Variants in RPUSD4 observed in about 807,000 individuals in gnomAD.
RPUSD4 encodes pseudouridylate synthase RPUSD4, mitochondrial.
In RPUSD4, 37 loss-of-function variants were observed where a neutral mutation model predicts 35.4. The observed-to-expected ratio is 1.04, with a 90% CI of 0.80 to 1.37. The LOEUF is 1.37. RPUSD4 is among the 40% of genes most tolerant of loss of function. RPUSD4 has a pLI of 0.00. For synonymous variants in RPUSD4, 210 were observed against 192.7 expected, an observed-to-expected ratio of 1.09 and a Z score of -0.74; for missense variants, 507 against 484.9, an observed-to-expected ratio of 1.05 and a Z score of -0.43.
rs373059834 is a variant in RPUSD4, at chr11:126,205,701, T to C, written c.638A>G (p.Gln213Arg). Residue 213 changes from glutamine (Q) to arginine (R), a missense_variant, in exon 4 of 7, where the codon CAG (glutamine) becomes CGG (arginine). Transcript: ENST00000298317. ...CTGCTCGCTCACCTTGTGGTGTTGC[T>C]GCTGGCCTTGCGCCTCCTTCTCCAC... ...PIVEKEAQGQQQHHKMTLSPS... is the reference protein window; with the variant it reads ...PIVEKEAQGQRQHHKMTLSPS... The C allele has an allele frequency of 1.2e-6, 2 of 1,613,412 alleles. No individual in the cohort carries two copies. The highest frequency in any genetic ancestry group is 1.7e-6 in the Non-Finnish European group (2 of 1,179,572).
Position 126,211,440 on chromosome 11 carries a change from T to A in RPUSD4, c.189+10A>T. 6.2e-7 allele frequency: 1 copy of A among 1,608,508 alleles called. No individual in the cohort carries two copies. Among genetic ancestry groups the A allele is most frequent in the Non-Finnish European group, 8.5e-7 (1 of 1,177,030 alleles). ...CTGCCTCTAGGGAGTTCTGGTCCCT[T>A]TGGACTCACCGGCTCCTTCTTTGTG... On this transcript the variant is annotated intron_variant, in intron 1 of 6. Transcript: ENST00000298317.
In RPUSD4 at chr11:126,203,312, GT is replaced by G; in HGVS notation, c.*105del. ...CTGTTCCAAGTGAGAAGTTAGCAGA[GT>G]CCTGTAAACAAAGAACAGTTCAGGG... is the stretch of plus-strand genomic sequence containing the variant. On this transcript the variant is annotated 3_prime_UTR_variant, in exon 7 of 7. Transcript: ENST00000298317. 6.7e-7 allele frequency: 1 copy of G among 1,499,710 alleles called. No individual in the cohort carries two copies. The highest frequency in any genetic ancestry group is 9.0e-7 in the Non-Finnish European group (1 of 1,111,338). The allele number at this position is 1,499,710 out of a possible 1,614,324, so 92.9% of individuals were successfully genotyped here.
rs745637271 is a variant in RPUSD4, at chr11:126,211,578, C to A, written c.61G>T (p.Gly21Trp). 1 of 1,614,186 alleles carries A rather than the reference C, an allele frequency of 6.2e-7. No individual in the cohort carries two copies. Among genetic ancestry groups the A allele is most frequent in the African/African-American group, 1.3e-5 (1 of 75,060 alleles). Reference protein sequence around the residue: ...PWIRGNGQGCGSLFTLVSKPF... With the variant: ...PWIRGNGQGCWSLFTLVSKPF... ...TTTGAGACGAGAGTGAAGAGACTCC[C>A]GCAACCTTGGCCGTTTCCCCGGATC... The change falls in exon 1 of 7, where the codon GGG (glycine) becomes TGG (tryptophan). Residue 21 changes from glycine to tryptophan, a missense_variant. By Grantham distance (184) the Gly-to-Trp change is radical. Transcript: ENST00000298317.
At chr11:126,203,801 T>C (rs995312786) in intron 6 of RPUSD4, 144 bp from the exon 7 acceptor site, 7 of 1,095,946 alleles carry the variant, frequency 6.4e-6, no homozygotes, top group Non-Finnish European at 8.9e-6. Context: ...TTCAGTGGCA[T>C]GTCTAAGAAC....
chr11:126,209,390 A>G (rs1309239830), intron 3 of RPUSD4, 131 bp downstream of exon 3: 4 of 745,752 alleles, frequency 5.4e-6, no homozygotes, highest in African/African-American at 3.5e-5. Flanking sequence ...GCTGTTTCAC[A>G]TATTTTTTAC....
chr11:126,204,931 T>C (rs1293648854), intron 5 of RPUSD4, among the ~76,000 whole-genome samples: 1 of 152,198 alleles, frequency 6.6e-6, no homozygotes, highest in Non-Finnish European at 1.5e-5. Flanking sequence ...GTACCTCACA[T>C]GAGTGGAATC....
At position 126,210,970 on chromosome 11, in the gene RPUSD4, G is replaced by A; in HGVS notation, c.275C>T (p.Ala92Val). Residue 92 changes from alanine (A) to valine (V), a missense_variant, in exon 2 of 7, where the codon GCT becomes GTT. Transcript: ENST00000298317. ...GAGAATTCCTCGGGTCAGTGCCTTA[G>A]CAAGCACGTTGGGGTGGACTCGCTG... is the stretch of plus-strand genomic sequence containing the variant. ...QLQRVHPNVL[A>V]KALTRGILHQ... The A allele has an allele frequency of 1.2e-6, 2 of 1,614,154 alleles. No homozygotes were observed. The highest frequency in any genetic ancestry group is 1.7e-6 in the Non-Finnish European group (2 of 1,180,048).
intron 6 of RPUSD4, 45 bp from the exon 7 acceptor site, chr11:126,203,702 C>G (rs1302718293): frequency 6.3e-7 from 1 of 1,579,448 alleles, no homozygotes; most frequent in South Asian, 1.1e-5. Flanking sequence ...GCCAACAGTC[C>G]ACCCTTGACG....
intron 6 of RPUSD4, 55 bp downstream of exon 6, chr11:126,204,176 G>A: frequency 8.3e-7 from 1 of 1,210,460 alleles, no homozygotes. Flanking sequence ...TTTAAGAAAA[G>A]GAACGCCTAA....
At chr11:126,210,751 TATA>T in intron 2 of RPUSD4, 136 bp downstream of exon 2, 1 of 667,662 alleles carries the variant, frequency 1.5e-6, no homozygotes, top group Non-Finnish European at 2.4e-6. Flanking sequence ...GGTGGTTCCT[TATA>T]TTGGACGGTA....
intron 5 of RPUSD4, among the ~76,000 whole-genome samples, chr11:126,204,545 CCCA>C (rs1949749521): frequency 6.6e-6 from 1 of 152,158 alleles, no homozygotes; most frequent in South Asian, 2.1e-4. Flanking sequence ...AGTACCTCTC[CCCA>C]CCACAATTCC....
Position 126,203,312 on chromosome 11 carries a change from G to A in RPUSD4, c.*106C>T, listed in dbSNP as rs1949732475. ...CTGTTCCAAGTGAGAAGTTAGCAGA[G>A]TCCTGTAAACAAAGAACAGTTCAGG... On this transcript the variant is annotated 3_prime_UTR_variant, in exon 7 of 7. Transcript: ENST00000298317. 1.3e-6 allele frequency: 2 copies of A among 1,499,710 alleles called. No homozygotes were observed. The highest frequency in any genetic ancestry group is 2.3e-5 in the East Asian group (1 of 43,996). The allele number at this position is 1,499,710 out of a possible 1,614,324, so 92.9% of individuals were successfully genotyped here. A position where few individuals can be genotyped will look rare whatever the true frequency, so the allele number is the denominator to read the frequency against.
chr11:126,206,548 C>A (rs955385471), intron 3 of RPUSD4: 12 of 152,240 alleles, frequency 7.9e-5, no homozygotes, highest in African/African-American at 2.7e-4. Flanking sequence ...CACAGCAAGA[C>A]TCCGTCTAAA....
In RPUSD4 at chr11:126,205,713, G is replaced by A. The variant is rs35157957; in HGVS notation, c.626C>T (p.Ala209Val). Reference protein sequence around the residue: ...VVDIPIVEKEAQGQQQHHKMT... With the variant: ...VVDIPIVEKEVQGQQQHHKMT... ...CTTGTGGTGTTGCTGCTGGCCTTGCGCCTCCTTCTCCACAATGGGGATGTC... is the reference window on the plus strand; with the variant it reads ...CTTGTGGTGTTGCTGCTGGCCTTGCACCTCCTTCTCCACAATGGGGATGTC... Residue 209 changes from alanine (A) to valine (V), a missense_variant, in exon 4 of 7, where the codon GCG becomes GTG. Ala to Val is a moderately conservative substitution (Grantham distance 64). Transcript: ENST00000298317. 4,119 of 1,613,374 alleles carry A rather than the reference G, an allele frequency of 2.6e-3. 29 individuals are homozygous for A. In the African/African-American group the frequency reaches 0.026, roughly 10 times the overall value.
At position 126,203,463 on chromosome 11, in the gene RPUSD4, C is replaced by T; in HGVS notation, c.1089G>A (p.Glu363=). The change falls in exon 7 of 7, where the codon GAG becomes GAA. Residue 363 remains glutamate, a synonymous_variant. Transcript: ENST00000298317. ...TGGCTTCATTGTTCTCATTTTGATC[C>T]TCATTTGGCATCTCTAAACGCAGGC... ...LHRLRLEMPN[E]DQNENNEAKC... 1 of 1,614,124 alleles carries T rather than the reference C, an allele frequency of 6.2e-7. No individual in the cohort carries two copies. Among genetic ancestry groups the T allele is most frequent in the Non-Finnish European group, 8.5e-7 (1 of 1,180,040 alleles).
intron 2 of RPUSD4, 58 bp from the exon 3 acceptor site, chr11:126,209,780 C>G (rs1949822035): frequency 2.8e-6 from 4 of 1,445,550 alleles, no homozygotes; most frequent in Non-Finnish European, 3.8e-6. Flanking sequence ...CCAAAGAACT[C>G]TCCTTGGGAG....
intron 6 of RPUSD4, 100 bp downstream of exon 6, chr11:126,204,131 C>T (rs1020560725): frequency 1.2e-6 from 1 of 849,836 alleles, no homozygotes; most frequent in Non-Finnish European, 1.9e-6. Flanking sequence ...TGTCTGAAGA[C>T]AATCAGTAGG....
In RPUSD4 at chr11:126,210,911, G is replaced by A. The variant is rs769076807; in HGVS notation, c.334C>T (p.Pro112Ser). The change falls in exon 2 of 7, where the codon CCC becomes TCC. Residue 112 changes from proline to serine, a missense_variant. Pro to Ser is a moderately conservative substitution (Grantham distance 74). Coordinates refer to ENST00000298317, the MANE Select transcript of RPUSD4 (RefSeq NM_032795.3). ...TTACCATGCACAGGGAGACCGTAGG[G>A]CTTATTGATGACCACAAGGTTCTTG... ...QDKNLVVINK[P>S]YGLPVHGGPG... 21 of 1,614,060 alleles carry A rather than the reference G, an allele frequency of 1.3e-5. No homozygotes were observed. Among genetic ancestry groups the A allele is most frequent in the Non-Finnish European group, 1.8e-5 (21 of 1,180,042 alleles).
intron 2 of RPUSD4, among the ~76,000 whole-genome samples, chr11:126,210,129 A>AT (rs1267066162): frequency 6.6e-5 from 10 of 152,248 alleles, no homozygotes; most frequent in Admixed American, 1.3e-4. Context: ...CTTACTAGCC[A>AT]TTTTTTTGAC....
Sources: allele counts gnomAD v4.1 joint callset (sites outside exome capture counted in the v4.1 genomes callset), GRCh38; gene constraint gnomAD v4.1.1; transcripts MANE v1.5; gene names NCBI Gene and HGNC (gene_info 2026-07-23, HGNC 2026-07-21).